The following GLI2 variants were observed in gnomAD, a reference collection of about 807,000 sequenced individuals.
The protein encoded by GLI2 is transcription activator GLI2.
A neutral mutation model predicts 78.9 loss-of-function variants in GLI2; 22 were observed. That is an observed-to-expected ratio of 0.28 (90% CI 0.20 to 0.40). The LOEUF (loss-of-function observed/expected upper bound fraction) is 0.40, where lower values mean the gene tolerates loss of function less well. GLI2 is among the 10% of genes least tolerant of loss of function. The pLI is 1.00. For synonymous variants in GLI2, 974 were observed against 963.7 expected (o/e 1.01, Z -0.20); for missense variants, 2,097 against 2,213.2 (o/e 0.95, Z 1.05).
rs140058516 is a variant in GLI2 at position 120,793,453 on chromosome 2, C to T, written c.-30-3838C>T. Among the ~76,000 whole-genome samples, 299 of 152,322 alleles carry T rather than the reference C, an allele frequency of 2.0e-3. 3 individuals carry two copies. The highest frequency in any genetic ancestry group is 7.0e-3 in the African/African-American group (292 of 41,584). On this transcript the variant is annotated intron_variant, in intron 1 of 13. Coordinates refer to ENST00000361492, the MANE Select transcript of GLI2 (RefSeq NM_001374353.1). ...CCCTGGAGGCCCAGATGAGACTATC[C>T]GCTTTGGCTGCAGGGCTTGACGGGC...
In GLI2 at chr2:120,982,674, G is replaced by A. The variant is rs753367669; in HGVS notation, c.1468-42G>A. 4 of 1,574,936 alleles carry A rather than the reference G, an allele frequency of 2.5e-6. No individual in the cohort carries two copies. The South Asian group carries it at 4.6e-5, about 18-fold the overall frequency. ...AAGCAGCAGCCGGCCTCAAGGTTGG[G>A]CCCCCTGGGGTGCCTTGACTGACTG... is the stretch of plus-strand genomic sequence containing the variant. On this transcript the variant is annotated intron_variant, in intron 10 of 13. Coordinates refer to ENST00000361492, the MANE Select transcript of GLI2 (RefSeq NM_001374353.1).
chr2:120,803,734 A>C (rs1355986397), intron 2 of GLI2, among the ~76,000 whole-genome samples: 3 of 152,202 alleles, frequency 2.0e-5, no homozygotes, highest in Non-Finnish European at 2.9e-5. Context: ...AAGCTGGCCA[A>C]GCCTTAGACT....
At chr2:120,972,444 G>A (rs539131524) in intron 8 of GLI2, among the ~76,000 whole-genome samples, 4 of 152,280 alleles carry the variant, frequency 2.6e-5, no homozygotes, top group Admixed American at 1.3e-4. Context: ...GGCTGCTGTC[G>A]CTCTTGGAAC....
At chr2:120,851,897 G>C (rs1241997510) in intron 2 of GLI2, among the ~76,000 whole-genome samples, 1 of 152,210 alleles carries the variant, frequency 6.6e-6, no homozygotes, top group African/African-American at 2.4e-5. Flanking sequence ...TTTCCCAGGA[G>C]GTCCCATTTG....
At chr2:120,836,096 A>G (rs1686596780) in intron 2 of GLI2, among the ~76,000 whole-genome samples, 1 of 152,200 alleles carries the variant, frequency 6.6e-6, no homozygotes. Context: ...TGACTGGGGT[A>G]GTCTGATCCC....
chr2:120,870,202 G>A (rs1374861951), intron 2 of GLI2, among the ~76,000 whole-genome samples: 5 of 152,088 alleles, frequency 3.3e-5, no homozygotes, highest in African/African-American at 4.8e-5. Context: ...CCTCCTGTAC[G>A]CTGAGCTGTC....
At chr2:120,802,114 G>C (rs966019089) in intron 2 of GLI2, among the ~76,000 whole-genome samples, 1 of 152,176 alleles carries the variant, frequency 6.6e-6, no homozygotes, top group Non-Finnish European at 1.5e-5. Flanking sequence ...GTCTGGGGCC[G>C]TGAGTTATTT....
chr2:120,764,010 C>T (rs1212763047), intron 1 of GLI2, among the ~76,000 whole-genome samples: 1 of 152,216 alleles, frequency 6.6e-6, no homozygotes, highest in Non-Finnish European at 1.5e-5. Context: ...AAGAACTTTC[C>T]TACCGGGTCC....
chr2:120,788,420 GCCTGCTGGCTTTCAGGGAGTA>G (rs1340647218), intron 1 of GLI2, among the ~76,000 whole-genome samples: 1 of 152,232 alleles, frequency 6.6e-6, no homozygotes, highest in East Asian at 1.9e-4. Context: ...ATTGGAGAGG[GCCTGCTGGCTTTCAGGGAGTA>G]AATCCCAGTG....
In GLI2 at chr2:120,951,440, C is replaced by T. The variant is rs1334776936; in HGVS notation, c.452C>T (p.Ala151Val). 1 of 1,606,244 alleles carries T rather than the reference C, an allele frequency of 6.2e-7. No individual in the cohort carries two copies. Among genetic ancestry groups the T allele is most frequent in the East Asian group, 2.2e-5 (1 of 44,816 alleles). The change falls in exon 4 of 14, where the codon GCT becomes GTT. Residue 151 changes from alanine (A) to valine (V), a missense_variant. Transcript: ENST00000361492. ...MISAARGLSP[A>V]DVAQEHLKER... ...TCTGCAGCCAGGGGCCTCAGCCCCGCTGATGGTGAGTAGGGTGTGGGGATG... is the reference window on the plus strand; with the variant it reads ...TCTGCAGCCAGGGGCCTCAGCCCCGTTGATGGTGAGTAGGGTGTGGGGATG...
intron 2 of GLI2, among the ~76,000 whole-genome samples, chr2:120,902,794 A>G (rs1290338213): frequency 6.6e-6 from 1 of 152,222 alleles, no homozygotes; most frequent in Non-Finnish European, 1.5e-5. Context: ...AATCTACAGC[A>G]TGCATGCATT....
Position 120,989,318 on chromosome 2 carries a change from C to G in GLI2, c.3353C>G (p.Ser1118Cys), listed in dbSNP as rs140601980. Residue 1118 changes from serine to cysteine, a missense_variant, in exon 14 of 14, where the codon TCC becomes TGC. Physicochemically the swap from Ser to Cys is moderately radical, Grantham distance 112. Coordinates refer to ENST00000361492, the MANE Select transcript of GLI2 (RefSeq NM_001374353.1). ...GGCQLGFGAP[S>C]SLNKNNMPVQ... ...TGCCAGTTAGGCTTTGGGGCGCCCTCCAGCCTGAACAAAAATAACATGCCT... is the reference window on the plus strand; with the variant it reads ...TGCCAGTTAGGCTTTGGGGCGCCCTGCAGCCTGAACAAAAATAACATGCCT... 32 of 1,612,958 alleles carry G rather than the reference C, an allele frequency of 2.0e-5. No individual in the cohort carries two copies. Among genetic ancestry groups the G allele is most frequent in the South Asian group, 3.3e-5 (3 of 91,094 alleles).
chr2:120,901,867 C>T (rs1032561185), intron 2 of GLI2, among the ~76,000 whole-genome samples: 1 of 152,200 alleles, frequency 6.6e-6, no homozygotes, highest in African/African-American at 2.4e-5. Context: ...CAAGGTTCTT[C>T]ACAACACTCT....
chr2:120,764,435 T>TA (rs142757434), intron 1 of GLI2, among the ~76,000 whole-genome samples: 20,680 of 152,046 alleles, frequency 0.14, 1,667 homozygotes, highest in East Asian at 0.23. Flanking sequence ...TTTAATCTTT[T>TA]AAAAAAAAGA....
chr2:120,889,502 C>A (rs1185565336), intron 2 of GLI2, among the ~76,000 whole-genome samples: 2 of 152,150 alleles, frequency 1.3e-5, no homozygotes, highest in South Asian at 2.1e-4. Flanking sequence ...TCGCCAAAAT[C>A]AAAAATTTTG....
chr2:120,970,673 C>T (rs927832244), intron 7 of GLI2, 67 bp downstream of exon 7: 9 of 1,299,922 alleles, frequency 6.9e-6, no homozygotes, highest in Middle Eastern at 1.9e-4. Context: ...TTGTTCACTG[C>T]CAGCTCATGC....
At chr2:120,855,793 C>T (rs1362617597) in intron 2 of GLI2, among the ~76,000 whole-genome samples, 2 of 152,320 alleles carry the variant, frequency 1.3e-5, no homozygotes, top group African/African-American at 4.8e-5. Context: ...GGCCTGAGGT[C>T]CCACAGCTGG....
chr2:120,968,629 C>G, intron 5 of GLI2, 85 bp from the exon 6 acceptor site: 2 of 1,015,414 alleles, frequency 2.0e-6, no homozygotes, highest in Non-Finnish European at 3.1e-6. Flanking sequence ...ACCATCCTTG[C>G]AGGCTCTTCC....
At chr2:120,905,491 T>G (rs1296545740) in intron 2 of GLI2, among the ~76,000 whole-genome samples, 3 of 152,216 alleles carry the variant, frequency 2.0e-5, no homozygotes, top group Non-Finnish European at 4.4e-5. Flanking sequence ...TTGGGTGATC[T>G]GCCCAAGGTC....
Sources: allele counts gnomAD v4.1 joint callset (sites outside exome capture counted in the v4.1 genomes callset), GRCh38; gene constraint gnomAD v4.1.1; transcripts MANE v1.5; gene names NCBI Gene and HGNC (gene_info 2026-07-23, HGNC 2026-07-21).